Variants in THSD7A observed in about 807,000 individuals in gnomAD.
The protein encoded by THSD7A is thrombospondin type 1 domain containing 7A, also known as thrombospondin type-1 domain-containing protein 7A.
In THSD7A, 96 loss-of-function variants were observed where a neutral mutation model predicts 231.3. The observed-to-expected ratio is 0.41, with a 90% CI of 0.35 to 0.49. The LOEUF is 0.49. THSD7A is among the 20% of genes least tolerant of loss of function. The pLI is 0.05. For missense variants in THSD7A, 2,290 were observed against 2,070.2 expected, an observed-to-expected ratio of 1.11 and a Z score of -2.06; for synonymous variants, 940 against 743.3, an observed-to-expected ratio of 1.26 and a Z score of -4.30.
At chr7:11,549,458 A>G (rs757874309) in intron 4 of THSD7A, among the ~76,000 whole-genome samples, 19 of 152,282 alleles carry the variant, frequency 1.2e-4, no homozygotes, top group South Asian at 8.3e-4. Flanking sequence ...AAATCATCCT[A>G]TTATAAAGAT....
intron 1 of THSD7A, among the ~76,000 whole-genome samples, chr7:11,824,903 G>T (rs901191579): frequency 6.6e-6 from 1 of 152,020 alleles, no homozygotes; most frequent in African/African-American, 2.4e-5. Flanking sequence ...AATACCCTGA[G>T]ATACAATAAT....
intron 1 of THSD7A, among the ~76,000 whole-genome samples, chr7:11,739,264 C>T (rs1282591988): frequency 6.6e-6 from 1 of 151,832 alleles, no homozygotes; most frequent in Non-Finnish European, 1.5e-5. Context: ...TTAATAAGGC[C>T]AGTGAATAAG....
At chr7:11,731,729 A>G (rs1003090163) in intron 1 of THSD7A, among the ~76,000 whole-genome samples, 1 of 151,700 alleles carries the variant, frequency 6.6e-6, no homozygotes, top group African/African-American at 2.4e-5. Flanking sequence ...TGATGGAGGA[A>G]ATCAAGGTAT....
intron 1 of THSD7A, among the ~76,000 whole-genome samples, chr7:11,785,744 A>G (rs1332662749): frequency 6.6e-6 from 1 of 152,134 alleles, no homozygotes; most frequent in African/African-American, 2.4e-5. Context: ...TCACTTTTAT[A>G]CCACATCTGC....
chr7:11,560,953 C>T (rs1162149382), intron 4 of THSD7A, among the ~76,000 whole-genome samples: 1 of 152,180 alleles, frequency 6.6e-6, no homozygotes, highest in Non-Finnish European at 1.5e-5. Context: ...AAATGTCACA[C>T]TGTTCCAAGT....
At chr7:11,607,739 C>T (rs768697494) in intron 2 of THSD7A, among the ~76,000 whole-genome samples, 11 of 152,058 alleles carry the variant, frequency 7.2e-5, no homozygotes, top group Admixed American at 1.3e-4. Flanking sequence ...AGCAATAATT[C>T]TGTTGGAGGC....
At chr7:11,587,610 A>C (rs1779965255) in intron 4 of THSD7A, among the ~76,000 whole-genome samples, 1 of 152,208 alleles carries the variant, frequency 6.6e-6, no homozygotes, top group African/African-American at 2.4e-5. Flanking sequence ...TTTACTAAAG[A>C]CCTTGTGAGT....
intron 1 of THSD7A, among the ~76,000 whole-genome samples, chr7:11,724,005 T>G (rs2128154368): frequency 6.6e-6 from 1 of 151,944 alleles, no homozygotes; most frequent in South Asian, 2.1e-4. Context: ...GGAAGTCCGT[T>G]AAAAGGCAAT....
At position 11,525,517 on chromosome 7, in the gene THSD7A, G is replaced by A. The variant is rs576808718; in HGVS notation, c.1822+15902C>T. 5.3e-5 allele frequency among the ~76,000 whole-genome samples: 8 copies of A among 152,132 alleles called. 1 individual carries two copies. The East Asian group carries it at 1.5e-3, about 29-fold the overall frequency. On this transcript the variant is annotated intron_variant, in intron 6 of 27. Transcript: ENST00000423059. ...AATACAACTATACTATTCAACTATA[G>A]TAATACAACTATACAACTATTTCTG...
intron 4 of THSD7A, among the ~76,000 whole-genome samples, chr7:11,580,323 G>A (rs1414061586): frequency 6.6e-6 from 1 of 152,022 alleles, no homozygotes; most frequent in Non-Finnish European, 1.5e-5. Context: ...GAGGAATAAG[G>A]GTACAGGTTC....
intron 1 of THSD7A, among the ~76,000 whole-genome samples, chr7:11,668,323 C>T (rs1386987144): frequency 1.3e-5 from 2 of 151,966 alleles, no homozygotes; most frequent in African/African-American, 4.8e-5. Flanking sequence ...GAGACTGAGG[C>T]AGGACAATCA....
intron 11 of THSD7A, among the ~76,000 whole-genome samples, chr7:11,455,828 C>T (rs1340577983): frequency 6.6e-6 from 1 of 151,984 alleles, no homozygotes; most frequent in Non-Finnish European, 1.5e-5. Flanking sequence ...AAACAGTTTA[C>T]AATTTTTAAA....
chr7:11,803,690 A>C (rs75268649), intron 1 of THSD7A, among the ~76,000 whole-genome samples: 4 of 152,156 alleles, frequency 2.6e-5, no homozygotes, highest in African/African-American at 4.8e-5. Context: ...CTATGGTAAC[A>C]GCGGAATCTT....
intron 1 of THSD7A, among the ~76,000 whole-genome samples, chr7:11,753,065 C>T (rs1191315306): frequency 6.6e-6 from 1 of 152,072 alleles, no homozygotes; most frequent in Non-Finnish European, 1.5e-5. Flanking sequence ...CCTCTGAAGG[C>T]TCCTGTAACT....
rs774583156 is a variant in THSD7A at position 11,474,364 on chromosome 7, C to T, written c.2222G>A (p.Arg741Gln). ...GMQTRKVICVRVNVGQVGPKK... is the reference protein window; with the variant it reads ...GMQTRKVICVQVNVGQVGPKK... ...GGGTCCCACTTGGCCCACATTGACT[C>T]GCACACAGATGACTTTTCTTGTCTG... Residue 741 changes from arginine (R) to glutamine (Q), a missense_variant, in exon 8 of 28, where the codon CGA (arginine) becomes CAA (glutamine). Transcript: ENST00000423059. This position sits in a 1 kb window ranked among gnomAD's most constrained non-coding sequence, Gnocchi z 4.1. 1 of 1,613,202 alleles carries T rather than the reference C, an allele frequency of 6.2e-7. No individual in the cohort carries two copies. Among genetic ancestry groups the T allele is most frequent in the Non-Finnish European group, 8.5e-7 (1 of 1,179,450 alleles).
At chr7:11,626,865 T>C (rs989801929) in intron 2 of THSD7A, among the ~76,000 whole-genome samples, 1 of 152,176 alleles carries the variant, frequency 6.6e-6, no homozygotes, top group African/African-American at 2.4e-5. Flanking sequence ...CAATGTTGTA[T>C]CCTAAATGGA....
intron 1 of THSD7A, among the ~76,000 whole-genome samples, chr7:11,765,800 T>C (rs867768597): frequency 2.3e-4 from 35 of 152,082 alleles, no homozygotes; most frequent in Non-Finnish European, 2.4e-4. Flanking sequence ...AGCCTGTACA[T>C]ACCCTGAACA....
At chr7:11,614,103 T>C (rs2128350003) in intron 2 of THSD7A, among the ~76,000 whole-genome samples, 1 of 152,306 alleles carries the variant, frequency 6.6e-6, no homozygotes, top group African/African-American at 2.4e-5. Flanking sequence ...ATGTTTTAAC[T>C]GAACCATCAG....
Position 11,474,372 on chromosome 7 carries a change from G to A in THSD7A, c.2214C>T (p.Ile738=), listed in dbSNP as rs1247786786. 1.2e-6 allele frequency: 2 copies of A among 1,613,416 alleles called. No homozygotes were observed. The highest frequency in any genetic ancestry group is 1.7e-5 in the Admixed American group (1 of 59,978). ...CTTGGCCCACATTGACTCGCACACA[G>A]ATGACTTTTCTTGTCTGCATGCCGA... ...CSVGMQTRKV[I]CVRVNVGQVG... is the part of the protein sequence containing the mutation. Residue 738 remains isoleucine, a synonymous_variant, in exon 8 of 28, where the codon ATC becomes ATT. Transcript: ENST00000423059. This position sits in a 1 kb window ranked among gnomAD's most constrained non-coding sequence, Gnocchi z 4.1.
Sources: gnomAD v4.1 joint callset for allele counts (sites outside exome capture counted in the v4.1 genomes callset) on GRCh38, gnomAD v4.1.1 for gene constraint, Gnocchi (gnomAD v3.1) non-coding constraint, MANE v1.5 for transcripts, NCBI Gene and HGNC (gene_info 2026-07-23, HGNC 2026-07-21) for gene names.